The following ERBB4 variants were observed in gnomAD, a reference collection of about 807,000 sequenced individuals.
The protein encoded by ERBB4 is receptor tyrosine-protein kinase erbB-4.
ERBB4 carries 42 observed loss-of-function variants against 158.0 expected under a neutral mutation model. The ratio of observed to expected loss-of-function variants is 0.27; its 90% confidence interval spans 0.21 to 0.34. The LOEUF (loss-of-function observed/expected upper bound fraction) is 0.34. Ranked by LOEUF, ERBB4 falls within the 10% of genes least tolerant of loss-of-function variation. The pLI is 1.00. For missense variants in ERBB4, 1,333 were observed against 1,624.1 expected (o/e 0.82, Z 3.08); for synonymous variants, 583 against 558.7 (o/e 1.04, Z -0.61).
At chr2:211,920,175 T>A (rs1035631188) in intron 3 of ERBB4, among the ~76,000 whole-genome samples, 1 of 152,006 alleles carries the variant, frequency 6.6e-6, no homozygotes, top group African/African-American at 2.4e-5. Context: ...TACAGGCAAG[T>A]AATCAATAAA....
intron 19 of ERBB4, among the ~76,000 whole-genome samples, chr2:211,570,325 C>CTTTTTTTTTTTTTT (rs769458178): frequency 9.5e-6 from 1 of 105,222 alleles, no homozygotes; most frequent in African/African-American, 3.9e-5. Context: ...CTAATTTTTG[C>CTTTTTTTTTTTTTT]TTTTTTTTTT....
chr2:211,977,698 C>T (rs759383577), intron 2 of ERBB4, among the ~76,000 whole-genome samples: 6 of 150,690 alleles, frequency 4.0e-5, no homozygotes, highest in East Asian at 2.0e-4. Flanking sequence ...ATTAGCTGGG[C>T]GTGGTGGACC....
At chr2:212,007,787 T>C (rs2076292039) in intron 2 of ERBB4, among the ~76,000 whole-genome samples, 1 of 151,960 alleles carries the variant, frequency 6.6e-6, no homozygotes, top group Non-Finnish European at 1.5e-5. Flanking sequence ...AAATAATTAC[T>C]AAAAATACTC....
chr2:211,682,050 T>TCACACACACA lies in ERBB4; in HGVS notation c.1490-2876_1490-2867dup, dbSNP rs60803024. Among the ~76,000 whole-genome samples, 1,278 of 134,456 alleles carry TCACACACACA rather than the reference T, an allele frequency of 9.5e-3. 20 individuals are homozygous for TCACACACACA. The highest frequency in any genetic ancestry group is 0.028 in the African/African-American group (960 of 34,830). 88.2% of individuals were successfully genotyped at this position (134,456 alleles called of 152,430 possible). ...GAACCATTAAGACATTTTATACACA[T>TCACACACACA]CACACACACACACACACACACACAC... On this transcript the variant is annotated intron_variant, in intron 12 of 27. Transcript: ENST00000342788.
intron 20 of ERBB4, among the ~76,000 whole-genome samples, chr2:211,553,525 G>T (rs2067159966): frequency 6.6e-6 from 1 of 151,856 alleles, no homozygotes; most frequent in Non-Finnish European, 1.5e-5. Flanking sequence ...TCATAATTAG[G>T]GTATTCTAAC....
chr2:212,201,900 T>C (rs1463977633), intron 1 of ERBB4, among the ~76,000 whole-genome samples: 1 of 152,246 alleles, frequency 6.6e-6, no homozygotes, highest in Admixed American at 6.5e-5. Context: ...TTGTTGGCAC[T>C]TATATGAATT....
At chr2:212,360,203 T>C (rs1269052285) in intron 1 of ERBB4, among the ~76,000 whole-genome samples, 4 of 133,746 alleles carry the variant, frequency 3.0e-5, no homozygotes, top group East Asian at 3.9e-4. Flanking sequence ...AGACTTCTCA[T>C]AGTCCCATTA....
At chr2:212,451,791 T>G (rs949879607) in intron 1 of ERBB4, among the ~76,000 whole-genome samples, 7 of 152,152 alleles carry the variant, frequency 4.6e-5, no homozygotes, top group African/African-American at 1.4e-4. Context: ...TGTAGTAAAA[T>G]ACTATACTGC....
intron 1 of ERBB4, among the ~76,000 whole-genome samples, chr2:212,442,226 T>C (rs897381752): frequency 1.3e-5 from 2 of 152,036 alleles, no homozygotes; most frequent in Non-Finnish European, 2.9e-5. Flanking sequence ...GGAGAAAACT[T>C]CTAGGTTGAA....
intron 19 of ERBB4, among the ~76,000 whole-genome samples, chr2:211,601,675 AG>A (rs1227064456): frequency 1.3e-5 from 2 of 152,144 alleles, no homozygotes; most frequent in Admixed American, 1.3e-4. Flanking sequence ...TTGAGGGAAA[AG>A]TACTATCAAC....
At chr2:211,544,744 A>G (rs1036951074) in intron 20 of ERBB4, among the ~76,000 whole-genome samples, 3 of 151,070 alleles carry the variant, frequency 2.0e-5, no homozygotes, top group Admixed American at 6.7e-5. Context: ...AAGAATTAAG[A>G]GAAGTACTCT....
intron 20 of ERBB4, among the ~76,000 whole-genome samples, chr2:211,508,784 A>G (rs1166692326): frequency 6.6e-6 from 1 of 152,126 alleles, no homozygotes; most frequent in African/African-American, 2.4e-5. Flanking sequence ...GACTGGATAA[A>G]GAAAATGTGG....
chr2:211,869,278 A>C (rs1424884117), intron 3 of ERBB4, among the ~76,000 whole-genome samples: 1 of 152,238 alleles, frequency 6.6e-6, no homozygotes, highest in Non-Finnish European at 1.5e-5. Context: ...AGCAGACACA[A>C]GTATGGCTAA....
chr2:212,327,728 C>CTT (rs11413473), intron 1 of ERBB4, among the ~76,000 whole-genome samples: 1,361 of 133,298 alleles, frequency 0.01, 18 homozygotes, highest in Middle Eastern at 0.021. Flanking sequence ...TTCTTTTTTT[C>CTT]TTTTTTTTTT....
intron 1 of ERBB4, among the ~76,000 whole-genome samples, chr2:212,147,445 A>G (rs183544564): frequency 3.9e-5 from 6 of 152,168 alleles, no homozygotes; most frequent in Admixed American, 3.9e-4. Flanking sequence ...CTAAAATTCT[A>G]TGTTCAGAAT....
Position 211,919,457 on chromosome 2 carries a change from G to C in ERBB4, c.421+27973C>G, listed in dbSNP as rs1378643989. Among the ~76,000 whole-genome samples, 3 of 152,106 alleles carry C rather than the reference G, an allele frequency of 2.0e-5. No homozygotes were observed. In the East Asian group the frequency reaches 5.8e-4, roughly 29 times the overall value. ...AACTAGGAAAACAAATACAAAAATA[G>C]TAGTAGTCACTTAAATAAAAATTAA... On this transcript the variant is annotated intron_variant, in intron 3 of 27. Transcript: ENST00000342788.
intron 16 of ERBB4, among the ~76,000 whole-genome samples, chr2:211,646,527 A>G (rs1404210402): frequency 4.6e-5 from 7 of 151,666 alleles, no homozygotes; most frequent in Admixed American, 4.0e-4. Flanking sequence ...AGGGAATTCC[A>G]TCATAATTTC....
intron 2 of ERBB4, among the ~76,000 whole-genome samples, chr2:212,007,189 G>C (rs1424347634): frequency 6.6e-6 from 1 of 151,818 alleles, no homozygotes; most frequent in African/African-American, 2.4e-5. Context: ...ACAAAAGTGG[G>C]GTGGAACTGA....
chr2:212,530,141 C>T (rs1188398347), intron 1 of ERBB4, among the ~76,000 whole-genome samples: 1 of 151,652 alleles, frequency 6.6e-6, no homozygotes, highest in African/African-American at 2.4e-5. Context: ...GGTTTGAGGA[C>T]GTGGAAGAAG....
Sources: gnomAD v4.1 joint callset for allele counts (sites outside exome capture counted in the v4.1 genomes callset) on GRCh38, gnomAD v4.1.1 for gene constraint, MANE v1.5 for transcripts, NCBI Gene and HGNC (gene_info 2026-07-23, HGNC 2026-07-21) for gene names.